Variants in VIT observed in about 807,000 individuals in gnomAD.
The protein encoded by VIT is vitrin.
Under a neutral mutation model 78.0 loss-of-function variants are expected in VIT, and 99 were observed. The observed-to-expected ratio is 1.27, with a 90% CI of 1.08 to 1.50. The LOEUF (loss-of-function observed/expected upper bound fraction) is 1.50. Among genes scored for constraint, VIT ranks in the 40% most tolerant of loss-of-function variants. VIT has a pLI of 0.00. For missense variants in VIT, 1,126 were observed against 875.3 expected (o/e 1.29, Z -3.61); for synonymous variants, 374 against 334.3 (o/e 1.12, Z -1.29).
chr2:36,731,157 C>T (rs1667181365), intron 3 of VIT, among the ~76,000 whole-genome samples: 1 of 152,080 alleles, frequency 6.6e-6, no homozygotes, highest in South Asian at 2.1e-4. Context: ...ATTTGGCTGC[C>T]TCCTACCGCT....
At chr2:36,776,957 C>A (rs562227610) in intron 9 of VIT, among the ~76,000 whole-genome samples, 1 of 147,548 alleles carries the variant, frequency 6.8e-6, no homozygotes, top group Admixed American at 6.9e-5. Flanking sequence ...GGCGTGGTGG[C>A]GGGCGCCTGT....
intron 2 of VIT, among the ~76,000 whole-genome samples, chr2:36,727,051 G>C (rs1421038053): frequency 1.3e-5 from 2 of 152,140 alleles, no homozygotes; most frequent in African/African-American, 4.8e-5. Flanking sequence ...AAATGCTATC[G>C]GAGGTTCTGC....
chr2:36,706,581 G>T (rs1334667125), intron 1 of VIT, among the ~76,000 whole-genome samples: 2 of 152,066 alleles, frequency 1.3e-5, no homozygotes, highest in African/African-American at 2.4e-5. Context: ...GGCCCCATAT[G>T]ACCTGCAACT....
At chr2:36,723,289 A>G (rs1666628025) in intron 2 of VIT, among the ~76,000 whole-genome samples, 1 of 152,172 alleles carries the variant, frequency 6.6e-6, no homozygotes, top group Non-Finnish European at 1.5e-5. Context: ...ATTTTTTTAC[A>G]TAAATCTTTG....
intron 12 of VIT, among the ~76,000 whole-genome samples, chr2:36,788,943 G>T (rs933697301): frequency 6.6e-6 from 1 of 152,110 alleles, no homozygotes; most frequent in East Asian, 1.9e-4. Flanking sequence ...GAATAAAGAC[G>T]CCTTCCCCCA....
rs1667429160 is a variant in VIT, at chr2:36,814,544, G to A, written c.*183G>A. On this transcript the variant is annotated 3_prime_UTR_variant, in exon 16 of 16. Coordinates refer to ENST00000379242, the MANE Select transcript of VIT (RefSeq NM_053276.4). Reference sequence around the variant, plus strand: ...TTCCAAAACTTGGAGTTACAAAGATGATCACAAACGTATAGAATGAGCCAA... The same window carrying A: ...TTCCAAAACTTGGAGTTACAAAGATAATCACAAACGTATAGAATGAGCCAA... 2.7e-6 allele frequency: 2 copies of A among 729,328 alleles called. No individual in the cohort carries two copies. Among genetic ancestry groups the A allele is most frequent in the East Asian group, 5.5e-5 (2 of 36,110 alleles). The allele number at this position is 729,328 out of a possible 1,614,324, so 45.2% of individuals were successfully genotyped here. A position where few individuals can be genotyped will look rare whatever the true frequency, so the allele number is the denominator to read the frequency against.
At chr2:36,790,348 C>A (rs1665403284) in intron 12 of VIT, among the ~76,000 whole-genome samples, 1 of 152,306 alleles carries the variant, frequency 6.6e-6, no homozygotes, top group East Asian at 1.9e-4. Context: ...CTTCTCTCAG[C>A]TGACCAGCAT....
At chr2:36,701,149 A>G (rs142316644) in intron 1 of VIT, among the ~76,000 whole-genome samples, 3 of 152,144 alleles carry the variant, frequency 2.0e-5, no homozygotes, top group African/African-American at 7.2e-5. Flanking sequence ...CACCGTAGTA[A>G]TAACAGTGGA....
At chr2:36,794,503 T>C (rs972993580) in intron 12 of VIT, among the ~76,000 whole-genome samples, 1 of 152,218 alleles carries the variant, frequency 6.6e-6, no homozygotes, top group Admixed American at 6.5e-5. Flanking sequence ...AGGACACATA[T>C]ACGCTGGTCC....
At chr2:36,788,122 G>A in intron 12 of VIT, 1 of 256,766 alleles carries the variant, frequency 3.9e-6, no homozygotes, top group Admixed American at 5.6e-5. Context: ...ATCATTGAGG[G>A]CAGGATGGGT....
At chr2:36,728,433 G>T (rs559136272) in intron 2 of VIT, among the ~76,000 whole-genome samples, 1 of 152,008 alleles carries the variant, frequency 6.6e-6, no homozygotes, top group Admixed American at 6.6e-5. Flanking sequence ...TAAGCTAAGC[G>T]TTATTACAAA....
At position 36,767,136 on chromosome 2, in the gene VIT, C is replaced by T. The variant is rs774121902; in HGVS notation, c.530C>T (p.Thr177Ile). 1.2e-6 allele frequency: 2 copies of T among 1,606,792 alleles called. No individual in the cohort carries two copies. The highest frequency in any genetic ancestry group is 4.5e-5 in the East Asian group (2 of 44,272). Residue 177 changes from threonine (T) to isoleucine (I), a missense_variant, in exon 7 of 16, where the codon ACA becomes ATA. Thr to Ile is a moderately conservative substitution (Grantham distance 89). Coordinates refer to ENST00000379242, the MANE Select transcript of VIT (RefSeq NM_053276.4). ...TATCAGAGGCCACCTATTCCAGGGA[C>T]AACTGCACAGCCGGTCACTCTGATG... is the stretch of plus-strand genomic sequence containing the variant. ...KAYQRPPIPG[T>I]TAQPVTLMQL...
chr2:36,757,122 T>G (rs1377827265), intron 5 of VIT, among the ~76,000 whole-genome samples: 3 of 152,350 alleles, frequency 2.0e-5, no homozygotes, highest in East Asian at 3.9e-4. Flanking sequence ...CATTGATAAC[T>G]GACTGGCAGC....
At chr2:36,779,631 C>T (rs1390206371) in intron 9 of VIT, among the ~76,000 whole-genome samples, 1 of 152,136 alleles carries the variant, frequency 6.6e-6, no homozygotes, top group African/African-American at 2.4e-5. Flanking sequence ...TCCCACCTCC[C>T]AACCCTCCAA....
chr2:36,809,981 A>G (rs1184318022), intron 15 of VIT, among the ~76,000 whole-genome samples: 3 of 110,168 alleles, frequency 2.7e-5, no homozygotes, highest in Non-Finnish European at 5.0e-5. Context: ...ACAGAGCAAG[A>G]TCCTGTCTCA....
intron 6 of VIT, among the ~76,000 whole-genome samples, chr2:36,761,097 A>G (rs531544459): frequency 5.1e-4 from 77 of 152,178 alleles, no homozygotes; most frequent in Non-Finnish European, 9.0e-4. Flanking sequence ...TACACCCCCA[A>G]AACTCTGCGA....
intron 1 of VIT, among the ~76,000 whole-genome samples, chr2:36,699,595 G>T (rs200181951): frequency 1.8e-5 from 1 of 56,258 alleles, no homozygotes; most frequent in South Asian, 7.1e-4. Context: ...TATAGATATA[G>T]ATATAGATAT....
intron 14 of VIT, among the ~76,000 whole-genome samples, chr2:36,808,098 C>T (rs1666860899): frequency 1.3e-5 from 2 of 152,312 alleles, no homozygotes; most frequent in African/African-American, 2.4e-5. Flanking sequence ...TTCTTTAGTC[C>T]TCTCATGCCA....
At chr2:36,749,885 G>A (rs1668353702) in intron 4 of VIT, among the ~76,000 whole-genome samples, 1 of 152,182 alleles carries the variant, frequency 6.6e-6, no homozygotes, top group Admixed American at 6.5e-5. Context: ...ATGTCAAGGT[G>A]TCTAGTTAGT....
Sources: gnomAD v4.1 joint callset for allele counts (sites outside exome capture counted in the v4.1 genomes callset) on GRCh38, gnomAD v4.1.1 for gene constraint, MANE v1.5 for transcripts, NCBI Gene and HGNC (gene_info 2026-07-23, HGNC 2026-07-21) for gene names.